Variants in USP6 observed in about 807,000 individuals in gnomAD.
USP6 encodes ubiquitin specific peptidase 6, also known as ubiquitin carboxyl-terminal hydrolase 6.
In USP6, 128 loss-of-function variants were observed where a neutral mutation model predicts 175.7. The observed-to-expected ratio is 0.73, with a 90% confidence interval of 0.63 to 0.84. USP6 has a LOEUF of 0.84. USP6 is among the 40% of genes least tolerant of loss of function. The pLI, the probability that USP6 is intolerant of heterozygous loss-of-function variation, is 0.00. For missense variants in USP6, 1,498 were observed against 1,760.3 expected, an observed-to-expected ratio of 0.85 and a Z score of 2.67; for synonymous variants, 562 against 630.6, an observed-to-expected ratio of 0.89 and a Z score of 1.63.
chr17:5,119,135 C>T (rs916532484), intron 2 of USP6, among the ~76,000 whole-genome samples: 4 of 152,172 alleles, frequency 2.6e-5, no homozygotes, highest in African/African-American at 9.7e-5. Flanking sequence ...TCCTAAGCCA[C>T]ACTCCAATCA....
rs2073375258 is a variant in USP6 at position 5,139,485 on chromosome 17, C to T, written c.1309C>T (p.Leu437=). 3 of 1,613,426 alleles carry T rather than the reference C, an allele frequency of 1.9e-6. No individual in the cohort carries two copies. The highest frequency in any genetic ancestry group is 1.3e-5 in the African/African-American group (1 of 74,922). ...VGTQGVPSLA[L]AQGGPQGSWR... ...CACTCAGGGTGTGCCCAGCCTGGCC[C>T]TGGCTCAGGGAGGACCTCAGGGTTC... Residue 437 remains leucine (L), a synonymous_variant, in exon 22 of 38, where the codon CTG becomes TTG. Coordinates refer to ENST00000574788, the MANE Select transcript of USP6 (RefSeq NM_001304284.2).
chr17:5,156,827 T>C (rs1308763672), intron 31 of USP6, among the ~76,000 whole-genome samples: 1 of 151,558 alleles, frequency 6.6e-6, no homozygotes, highest in Admixed American at 6.6e-5. Flanking sequence ...GCCTCCAGGT[T>C]CAAGTGATTT....
chr17:5,168,342 G>C (rs946816381), intron 34 of USP6, among the ~76,000 whole-genome samples: 1 of 110,474 alleles, frequency 9.1e-6, no homozygotes, highest in Admixed American at 1.0e-4. Flanking sequence ...TAGAAGAAGA[G>C]ATCAATCATG....
rs2073386511 is a variant in USP6 at position 5,139,759 on chromosome 17, G to A, written c.1498+85G>A. On this transcript the variant is annotated intron_variant, in intron 22 of 37. Transcript: ENST00000574788. ...GTGCACCCAGCACTGATTCCGACCGGGATACCTCCTTTGCAGCTAGGGACG... is the reference window on the plus strand; with the variant it reads ...GTGCACCCAGCACTGATTCCGACCGAGATACCTCCTTTGCAGCTAGGGACG... The A allele has an allele frequency of 2.7e-5, 43 of 1,596,262 alleles. No homozygotes were observed. The South Asian group carries it at 4.3e-4, about 16-fold the overall frequency.
At chr17:5,160,453 G>A (rs550272361) in intron 31 of USP6, among the ~76,000 whole-genome samples, 1 of 152,116 alleles carries the variant, frequency 6.6e-6, no homozygotes, top group East Asian at 1.9e-4. Flanking sequence ...AAGACATACA[G>A]CTTATATTTC....
intron 30 of USP6, among the ~76,000 whole-genome samples, 175 bp downstream of exon 30, chr17:5,148,942 C>T (rs2073687876): frequency 6.6e-6 from 1 of 152,006 alleles, no homozygotes; most frequent in Admixed American, 6.6e-5. Flanking sequence ...GTCCTCAAAA[C>T]CTGTTGCTAT....
Position 5,144,731 on chromosome 17 carries a change from G to T in USP6, c.1860G>T (p.Gln620His), listed in dbSNP as rs199591541. 1 of 1,613,718 alleles carries T rather than the reference G, an allele frequency of 6.2e-7. No homozygotes were observed. The highest frequency in any genetic ancestry group is 8.5e-7 in the Non-Finnish European group (1 of 1,179,812). ...AKYAPKFDGFQQQDSQELLAF... is the reference protein window; with the variant it reads ...AKYAPKFDGFHQQDSQELLAF... ...ATGCTCCCAAGTTTGATGGGTTTCA[G>T]CAACAAGACTCCCAAGAACTTCTGG... The change falls in exon 26 of 38, where the codon CAG (glutamine) becomes CAT (histidine). Residue 620 changes from glutamine to histidine, a missense_variant. This residue lies in a region of USP6 where 1,217 missense variants were observed against 1,500.8 expected (regional missense o/e 0.81). Transcript: ENST00000574788.
chr17:5,135,933 G>T lies in USP6; in HGVS notation c.664+5G>T, dbSNP rs775978140. The T allele has an allele frequency of 8.1e-6, 13 of 1,598,010 alleles. No individual in the cohort carries two copies. The highest frequency in any genetic ancestry group is 1.1e-5 in the Non-Finnish European group (13 of 1,179,756). ...GTGAGAGGCACTCCCTGCCAGGTAG[G>T]TGAACAGCTGCCCGTGGGGCCTCAC... On this transcript the variant is annotated splice_donor_5th_base_variant and intron_variant, in intron 17 of 37. Transcript: ENST00000574788.
intron 30 of USP6, among the ~76,000 whole-genome samples, chr17:5,152,663 T>C (rs1383093666): frequency 6.6e-6 from 1 of 152,178 alleles, no homozygotes; most frequent in African/African-American, 2.4e-5. Context: ...CCAGTATAAA[T>C]GAATCTCGTA....
intron 33 of USP6, among the ~76,000 whole-genome samples, chr17:5,164,906 C>A (rs973548604): frequency 3.9e-5 from 6 of 152,182 alleles, no homozygotes; most frequent in Non-Finnish European, 7.3e-5. Context: ...AGGCAAATAT[C>A]ATCATAGCAT....
rs977097051 is a variant in USP6 at position 5,121,392 on chromosome 17, C to T, written c.-1657C>T. The T allele has an allele frequency of 1.6e-4, 52 of 329,956 alleles. 1 individual carries two copies. The Middle Eastern group carries it at 3.2e-3, about 20-fold the overall frequency. The allele number at this position is 329,956 out of a possible 1,614,324, so 20.4% of individuals were successfully genotyped here. ...CCTTCCAGAGAGAGGGGCTGAACTG[C>T]GAGGTGGCCACCAACACAGAGGCCC... On this transcript the variant is annotated 5_prime_UTR_variant, in exon 4 of 38. Transcript: ENST00000574788.
At chr17:5,135,479 G>A (rs2073223758) in intron 16 of USP6, among the ~76,000 whole-genome samples, 197 bp downstream of exon 16, 1 of 152,144 alleles carries the variant, frequency 6.6e-6, no homozygotes, top group African/African-American at 2.4e-5. Context: ...GAGACACAAA[G>A]GACTTGGGGC....
chr17:5,146,730 T>G (rs2073623067), intron 28 of USP6, among the ~76,000 whole-genome samples: 1 of 152,184 alleles, frequency 6.6e-6, no homozygotes, highest in African/African-American at 2.4e-5. Flanking sequence ...TATTCATCTT[T>G]GGGATTTCTG....
At chr17:5,156,263 C>T (rs1432021254) in intron 31 of USP6, among the ~76,000 whole-genome samples, 4 of 151,018 alleles carry the variant, frequency 2.6e-5, no homozygotes, top group African/African-American at 9.7e-5. Context: ...GTGATGATGT[C>T]TTATTTTTAT....
chr17:5,156,415 C>T (rs563188710), intron 31 of USP6, among the ~76,000 whole-genome samples: 2 of 152,018 alleles, frequency 1.3e-5, no homozygotes, highest in Admixed American at 1.3e-4. Flanking sequence ...TCAAACGATT[C>T]TCCTGCCTCA....
rs1188799672 is a variant in USP6 at position 5,171,699 on chromosome 17, G to C, written c.4047+20G>C. 1 of 1,610,244 alleles carries C rather than the reference G, an allele frequency of 6.2e-7. No individual in the cohort carries two copies. Among genetic ancestry groups the C allele is most frequent in the Admixed American group, 1.7e-5 (1 of 59,766 alleles). ...TGTGAGGTAAACATTCTCAATCTTT[G>C]AATGAAAGTTAGAATATCAACAGAA... On this transcript the variant is annotated intron_variant, in intron 37 of 37. Transcript: ENST00000574788.
chr17:5,139,244 T>C lies in USP6; in HGVS notation c.1079-11T>C. ...CACTGGAGATGCTGACCACGTCTGT[T>C]TTCCTTTCAGCCAAACGCGAGCAAG... is the stretch of plus-strand genomic sequence containing the variant. On this transcript the variant is annotated splice_polypyrimidine_tract_variant and intron_variant, in intron 21 of 37. Coordinates refer to ENST00000574788, the MANE Select transcript of USP6 (RefSeq NM_001304284.2). The C allele has an allele frequency of 6.3e-7, 1 of 1,599,868 alleles. No individual in the cohort carries two copies.
intron 30 of USP6, among the ~76,000 whole-genome samples, chr17:5,150,455 C>T (rs1373773896): frequency 6.6e-6 from 1 of 150,480 alleles, no homozygotes; most frequent in East Asian, 1.9e-4. Context: ...ACTGTTATAA[C>T]AAATTACCAT....
At chr17:5,138,837 C>T (rs1036636314) in intron 21 of USP6, 1 of 531,816 alleles carries the variant, frequency 1.9e-6, no homozygotes, top group African/African-American at 1.9e-5. Context: ...CTGGGCAGCC[C>T]AGGGGGGCAG....
Sources: gnomAD v4.1 joint callset for allele counts (sites outside exome capture counted in the v4.1 genomes callset) on GRCh38, gnomAD v4.1.1 for gene constraint, gnomAD v4.1.1 regional missense constraint, MANE v1.5 for transcripts, NCBI Gene and HGNC (gene_info 2026-07-23, HGNC 2026-07-21) for gene names.